The following UBE2N variants were observed in gnomAD, a reference collection of about 807,000 sequenced individuals.
UBE2N encodes the protein ubiquitin-conjugating enzyme E2 N.
For synonymous variants in UBE2N, 70 were observed against 69.2 expected, an observed-to-expected ratio of 1.01 and a Z score of -0.06; for missense variants, 60 against 192.1, an observed-to-expected ratio of 0.31 and a Z score of 4.07.
At chr12:93,425,827 G>A (rs1178480652) in intron 1 of UBE2N, among the ~76,000 whole-genome samples, 3 of 152,174 alleles carry the variant, frequency 2.0e-5, no homozygotes, top group Non-Finnish European at 4.4e-5. Flanking sequence ...CAATTACGAA[G>A]CACCAGAGAT....
At position 93,424,628 on chromosome 12, in the gene UBE2N, G is replaced by A. The variant is rs557754890; in HGVS notation, c.31-13329C>T. Among the ~76,000 whole-genome samples, 12 of 152,306 alleles carry A rather than the reference G, an allele frequency of 7.9e-5. No homozygotes were observed. The East Asian group carries it at 1.2e-3, about 15-fold the overall frequency. On this transcript the variant is annotated intron_variant, in intron 1 of 3. Transcript: ENST00000318066. ...ATCCTCTCTCAGGGCTAACCATACC[G>A]CACAGCTTCAGGAGAGGACCATTCG...
Position 93,409,299 on chromosome 12 carries a change from G to A in UBE2N, c.*740C>T, listed in dbSNP as rs1346473328. 6.4e-6 allele frequency: 1 copy of A among 155,078 alleles called. No homozygotes were observed. Among genetic ancestry groups the A allele is most frequent in the African/African-American group, 2.4e-5 (1 of 41,428 alleles). The allele number at this position is 155,078 out of a possible 1,614,324, so 9.6% of individuals were successfully genotyped here. The stretch of plus-strand genomic sequence containing the variant: ...TCCATCAGTTTCAATTTTAAAATAC[G>A]ATTGTCAAATTGGGAAAATGAAATA... On this transcript the variant is annotated 3_prime_UTR_variant, in exon 4 of 4. Coordinates refer to ENST00000318066, the MANE Select transcript of UBE2N (RefSeq NM_003348.4).
At position 93,409,281 on chromosome 12, in the gene UBE2N, G is replaced by A. The variant is rs1877961172; in HGVS notation, c.*758C>T. 1.3e-5 allele frequency: 2 copies of A among 153,394 alleles called. No homozygotes were observed. Among genetic ancestry groups the A allele is most frequent in the East Asian group, 3.8e-4 (2 of 5,198 alleles). The allele number at this position is 153,394 out of a possible 1,614,324, so 9.5% of individuals were successfully genotyped here. Reference sequence around the variant, plus strand: ...AAGACCAAGAAAGAATGTTCCATCAGTTTCAATTTTAAAATACGATTGTCA... The same window carrying A: ...AAGACCAAGAAAGAATGTTCCATCAATTTCAATTTTAAAATACGATTGTCA... On this transcript the variant is annotated 3_prime_UTR_variant, in exon 4 of 4. Transcript: ENST00000318066.
rs2121042379 is a variant in UBE2N at position 93,407,004 on chromosome 12, C to T, written c.*3035G>A. 1 of 152,296 alleles carries T rather than the reference C, an allele frequency of 6.6e-6. No homozygotes were observed. Among genetic ancestry groups the T allele is most frequent in the Middle Eastern group, 3.4e-3 (1 of 294 alleles). The allele number at this position is 152,296 out of a possible 1,614,324, so 9.4% of individuals were successfully genotyped here. ...CAACACCTCAAGATTTTAGAAAAGC[C>T]TCTTAACGGGCAATTTTCTTTTAAA... On this transcript the variant is annotated 3_prime_UTR_variant, in exon 4 of 4. Transcript: ENST00000318066.
At chr12:93,410,679 GT>G (rs1878007281) in intron 3 of UBE2N, 54 bp downstream of exon 3, 1 of 1,604,478 alleles carries the variant, frequency 6.2e-7, no homozygotes, top group Non-Finnish European at 8.5e-7. Context: ...AGTTTAAGTG[GT>G]AATACAAATT....
chr12:93,430,609 G>A (rs530228460), intron 1 of UBE2N, among the ~76,000 whole-genome samples: 35 of 151,564 alleles, frequency 2.3e-4, no homozygotes, highest in Non-Finnish European at 4.4e-4. Context: ...AGAGACTTCT[G>A]ATTAAAAAAA....
chr12:93,425,953 T>C (rs1434060386), intron 1 of UBE2N, among the ~76,000 whole-genome samples: 1 of 152,236 alleles, frequency 6.6e-6, no homozygotes, highest in Non-Finnish European at 1.5e-5. Flanking sequence ...ATATTAAAGA[T>C]GATTCTTTCC....
chr12:93,410,425 G>A (rs1877999552), intron 3 of UBE2N: 2 of 503,502 alleles, frequency 4.0e-6, no homozygotes, highest in South Asian at 2.7e-5. Context: ...TAATCAAATG[G>A]GTTACAAAAA....
In UBE2N at chr12:93,441,932, C is replaced by T; in HGVS notation, c.-48G>A. On this transcript the variant is annotated 5_prime_UTR_variant, in exon 1 of 4. Transcript: ENST00000318066. ...CTCTGGTCTCGTCTCCGGCTCCTCT[C>T]GCCTCACGCACGAGTGGAAGTCCCG... The T allele has an allele frequency of 1.3e-6, 2 of 1,550,614 alleles. No homozygotes were observed. The highest frequency in any genetic ancestry group is 1.7e-6 in the Non-Finnish European group (2 of 1,150,492).
intron 1 of UBE2N, among the ~76,000 whole-genome samples, chr12:93,428,908 C>G (rs1442450919): frequency 6.6e-6 from 1 of 152,206 alleles, no homozygotes; most frequent in Non-Finnish European, 1.5e-5. Context: ...ACAGAACTTG[C>G]AGCACTTTTA....
At position 93,410,018 on chromosome 12, in the gene UBE2N, A is replaced by C. The variant is rs759405179; in HGVS notation, c.*21T>G. Reference sequence around the variant, plus strand: ...CTTGGCAGAACAGGAGAAGTGATGCACACTTGATGATCGTATCAATTTAAA... The same window carrying C: ...CTTGGCAGAACAGGAGAAGTGATGCCCACTTGATGATCGTATCAATTTAAA... On this transcript the variant is annotated 3_prime_UTR_variant, in exon 4 of 4. Transcript: ENST00000318066. 1 of 1,611,620 alleles carries C rather than the reference A, an allele frequency of 6.2e-7. No homozygotes were observed. The highest frequency in any genetic ancestry group is 1.1e-5 in the South Asian group (1 of 90,828).
rs774419854 is a variant in UBE2N at position 93,409,069 on chromosome 12, A to T, written c.*970T>A. ...TGTGGCAAGACACCAATGATCATCT[A>T]ATCAGACAACACAAACACATTTATT... On this transcript the variant is annotated 3_prime_UTR_variant, in exon 4 of 4. Transcript: ENST00000318066. The T allele has an allele frequency of 3.3e-5, 5 of 152,680 alleles. No homozygotes were observed. The highest frequency in any genetic ancestry group is 5.9e-5 in the Non-Finnish European group (4 of 68,054). The allele number at this position is 152,680 out of a possible 1,614,324, so 9.5% of individuals were successfully genotyped here. A position where few individuals can be genotyped will look rare whatever the true frequency, so the allele number is the denominator to read the frequency against.
intron 1 of UBE2N, among the ~76,000 whole-genome samples, chr12:93,425,479 T>A (rs1878552586): frequency 6.6e-6 from 1 of 152,180 alleles, no homozygotes. Context: ...TCTCTCCAAC[T>A]AAACTAGTTC....
intron 1 of UBE2N, among the ~76,000 whole-genome samples, chr12:93,434,523 A>T (rs1015872925): frequency 6.6e-6 from 1 of 152,246 alleles, no homozygotes; most frequent in Non-Finnish European, 1.5e-5. Flanking sequence ...ACTGACTGCT[A>T]TTTTTAACTT....
intron 1 of UBE2N, among the ~76,000 whole-genome samples, chr12:93,433,610 A>C (rs1295196538): frequency 6.6e-6 from 1 of 152,190 alleles, no homozygotes; most frequent in Non-Finnish European, 1.5e-5. Context: ...ATTATTACAT[A>C]AACTATGCCT....
intron 1 of UBE2N, among the ~76,000 whole-genome samples, chr12:93,422,283 A>AT (rs1565794688): frequency 6.6e-6 from 1 of 152,218 alleles, no homozygotes; most frequent in Non-Finnish European, 1.5e-5. Context: ...GATGAATGAC[A>AT]TAACACTTCA....
At chr12:93,439,536 T>C (rs1484478594) in intron 1 of UBE2N, among the ~76,000 whole-genome samples, 1 of 151,982 alleles carries the variant, frequency 6.6e-6, no homozygotes, top group African/African-American at 2.4e-5. Flanking sequence ...TAAAACAAAT[T>C]AACAGTCCAA....
At chr12:93,440,556 T>A (rs1879067967) in intron 1 of UBE2N, among the ~76,000 whole-genome samples, 1 of 152,210 alleles carries the variant, frequency 6.6e-6, no homozygotes, top group South Asian at 2.1e-4. Context: ...ATACAGTACA[T>A]CATCCTCGAA....
chr12:93,414,971 G>C (rs1878157193), intron 1 of UBE2N, among the ~76,000 whole-genome samples: 1 of 152,082 alleles, frequency 6.6e-6, no homozygotes, highest in Non-Finnish European at 1.5e-5. Flanking sequence ...GAATCTATTT[G>C]ATGTTATGAA....
Sources: allele counts gnomAD v4.1 joint callset (sites outside exome capture counted in the v4.1 genomes callset), GRCh38; gene constraint gnomAD v4.1.1; transcripts MANE v1.5; gene names NCBI Gene and HGNC (gene_info 2026-07-23, HGNC 2026-07-21).